The following TTC6 variants were observed in gnomAD, a reference collection of about 807,000 sequenced individuals.
TTC6 encodes tetratricopeptide repeat domain 6.
Under a neutral mutation model 210.4 loss-of-function variants are expected in TTC6, and 172 were observed. That is an observed-to-expected ratio of 0.82 (90% CI 0.72 to 0.93). The LOEUF (loss-of-function observed/expected upper bound fraction) is 0.93, where lower values mean the gene tolerates loss of function less well. TTC6 is among the 40% of genes least tolerant of loss of function. The pLI is 0.00. For missense variants in TTC6, 2,414 were observed against 2,318.1 expected, an observed-to-expected ratio of 1.04 and a Z score of -0.85; for synonymous variants, 804 against 819.6, an observed-to-expected ratio of 0.98 and a Z score of 0.32.
At chr14:37,645,267 G>A (rs1036365697) in intron 1 of TTC6, among the ~76,000 whole-genome samples, 9 of 152,216 alleles carry the variant, frequency 5.9e-5, no homozygotes, top group African/African-American at 2.2e-4. Flanking sequence ...TGTCAGCAGT[G>A]TCTCAATTAG....
intron 14 of TTC6, among the ~76,000 whole-genome samples, chr14:37,766,814 A>G (rs1349658222): frequency 6.6e-6 from 1 of 151,904 alleles, no homozygotes; most frequent in African/African-American, 2.4e-5. Flanking sequence ...ATTTTTTATT[A>G]TTATACTTTA....
At chr14:37,724,745 C>T (rs540852304) in intron 6 of TTC6, among the ~76,000 whole-genome samples, 153 bp from the exon 9 acceptor site, 1 of 152,148 alleles carries the variant, frequency 6.6e-6, no homozygotes, top group African/African-American at 2.4e-5. Context: ...TTTTTGCTAA[C>T]CTGATGGCTG....
At chr14:37,772,437 C>T (rs561447590) in intron 14 of TTC6, 7 of 164,082 alleles carry the variant, frequency 4.3e-5, no homozygotes, top group East Asian at 1.8e-4. Flanking sequence ...CTCAGACTGC[C>T]GTGCTAGCAA....
intron 18 of TTC6, among the ~76,000 whole-genome samples, chr14:37,795,627 G>T (rs1311672594): frequency 6.6e-6 from 1 of 152,054 alleles, no homozygotes; most frequent in East Asian, 1.9e-4. Context: ...TAGTCATATG[G>T]TTATCACATA....
At chr14:37,744,033 A>C (rs992236131) in intron 10 of TTC6, among the ~76,000 whole-genome samples, 1 of 152,208 alleles carries the variant, frequency 6.6e-6, no homozygotes, top group Non-Finnish European at 1.5e-5. Context: ...TATTCAAGTC[A>C]GATAGCTCCT....
chr14:37,823,709 G>A, intron 26 of TTC6, 38 bp from the exon 29 acceptor site: 1 of 1,560,874 alleles, frequency 6.4e-7, no homozygotes, highest in African/African-American at 1.4e-5. Flanking sequence ...GAATGCATCA[G>A]TTCACCAGAA....
intron 29 of TTC6, among the ~76,000 whole-genome samples, chr14:37,830,912 A>T (rs979116787): frequency 2.0e-5 from 3 of 152,088 alleles, no homozygotes; most frequent in Non-Finnish European, 4.4e-5. Flanking sequence ...ATCACCTCAA[A>T]CATTTATCGT....
intron 23 of TTC6, 116 bp from the exon 26 acceptor site, chr14:37,808,616 CA>C (rs1566967316): frequency 7.5e-6 from 4 of 530,316 alleles, no homozygotes; most frequent in Non-Finnish European, 3.3e-6. Context: ...ACAGATGATA[CA>C]AAGAATGGTT....
chr14:37,786,683 T>A (rs1422309946), intron 14 of TTC6, among the ~76,000 whole-genome samples: 2 of 152,168 alleles, frequency 1.3e-5, no homozygotes, highest in African/African-American at 4.8e-5. Flanking sequence ...GTACCTCAGT[T>A]GGAAATGCAG....
At chr14:37,842,539 G>A (rs1236105008), downstream of TTC6, 1 of 283,702 alleles carries the variant, frequency 3.5e-6, no homozygotes, top group Non-Finnish European at 6.4e-6. Flanking sequence ...CAAGGAAAAT[G>A]TTTCTTAAGG....
chr14:37,603,959 G>C (rs552358058), intron 1 of TTC6, among the ~76,000 whole-genome samples: 4 of 152,320 alleles, frequency 2.6e-5, no homozygotes, highest in Admixed American at 2.0e-4. Context: ...CATACCAGTT[G>C]AGTGTAGAAT....
chr14:37,621,175 G>A (rs1595019858), upstream of TTC6, among the ~76,000 whole-genome samples: 1 of 152,304 alleles, frequency 6.6e-6, no homozygotes, highest in African/African-American at 2.4e-5. Context: ...GAGAGAAGGG[G>A]AAACAGCTGT....
chr14:37,758,514 T>C (rs2095974565), intron 14 of TTC6, among the ~76,000 whole-genome samples: 1 of 151,932 alleles, frequency 6.6e-6, no homozygotes, highest in South Asian at 2.1e-4. Flanking sequence ...TAACCCCTGC[T>C]TTTTTTTGCT....
intron 26 of TTC6, among the ~76,000 whole-genome samples, chr14:37,817,987 G>A (rs565780062): frequency 6.6e-5 from 10 of 152,234 alleles, no homozygotes; most frequent in East Asian, 1.9e-4. Context: ...TGCATAGCTC[G>A]AAATATCTAA....
intron 14 of TTC6, among the ~76,000 whole-genome samples, chr14:37,767,872 G>T (rs1235422915): frequency 2.1e-5 from 3 of 145,560 alleles, no homozygotes; most frequent in African/African-American, 7.4e-5. Context: ...TGAAGTCCTT[G>T]CCCATGCCTA....
At chr14:37,622,269 G>A in exon 1 of TTC6, 4 of 1,535,012 alleles carry the variant, frequency 2.6e-6, no homozygotes, top group Non-Finnish European at 3.5e-6. Context: ...TTCCTGCGCC[G>A]CAGCCCGGAC....
At chr14:37,783,512 CTTCTTCCTTT>C (rs2096060359) in intron 14 of TTC6, among the ~76,000 whole-genome samples, 1 of 151,816 alleles carries the variant, frequency 6.6e-6, no homozygotes, top group Non-Finnish European at 1.5e-5. Context: ...CTATTTGATT[CTTCTTCCTTT>C]TTTTCTTTAT....
At chr14:37,825,966 A>G (rs904988046) in intron 27 of TTC6, among the ~76,000 whole-genome samples, 19 of 152,064 alleles carry the variant, frequency 1.2e-4, no homozygotes, top group Admixed American at 1.2e-3. Flanking sequence ...CGGAAGTTAA[A>G]TTTATTTTAA....
chr14:37,732,780 G>T (rs1386527214), intron 7 of TTC6, among the ~76,000 whole-genome samples: 2 of 119,526 alleles, frequency 1.7e-5, no homozygotes, highest in African/African-American at 5.3e-5. Context: ...ACCACGCCCA[G>T]CTAATTTTTT....
Sources: gnomAD v4.1 joint callset for allele counts (sites outside exome capture counted in the v4.1 genomes callset) on GRCh38, gnomAD v4.1.1 for gene constraint, MANE v1.5 for transcripts, NCBI Gene and HGNC (gene_info 2026-07-23, HGNC 2026-07-21) for gene names.